MAN2B1: variants seen among roughly 807,000 people sequenced by gnomAD.
MAN2B1 encodes the protein lysosomal alpha-mannosidase.
In MAN2B1, 99 loss-of-function variants were observed where a neutral mutation model predicts 127.5. The observed-to-expected ratio is 0.78, with a 90% CI of 0.66 to 0.92. MAN2B1 has a LOEUF of 0.92. MAN2B1 is among the 40% of genes least tolerant of loss of function. The pLI, the probability that MAN2B1 is intolerant of heterozygous loss-of-function variation, is 0.00. For missense variants in MAN2B1, 1,304 were observed against 1,384.8 expected (o/e 0.94, Z 0.93); for synonymous variants, 573 against 568.8 (o/e 1.01, Z -0.11).
chr19:12,646,640 A>G lies in MAN2B1; in HGVS notation c.3016T>C (p.Trp1006Arg), dbSNP rs2023693697. ...CAGACCTAACCATCCACCTCCTTCC[A>G]TTGAACTGAGGCCAGGAAAGTGCGG... ...EIRTFLASVQ[W>R]KEVDG Residue 1006 changes from tryptophan (W) to arginine (R), a missense_variant, in exon 24 of 24, where the codon TGG (tryptophan) becomes CGG (arginine). Physicochemically the swap from Trp to Arg is moderately radical, Grantham distance 101. Coordinates refer to ENST00000456935, the MANE Select transcript of MAN2B1 (RefSeq NM_000528.4). 1.2e-6 allele frequency: 2 copies of G among 1,613,434 alleles called. No homozygotes were observed. The highest frequency in any genetic ancestry group is 1.7e-6 in the Non-Finnish European group (2 of 1,179,520).
Position 12,656,672 on chromosome 19 carries a change from A to G in MAN2B1, c.1543T>C (p.Tyr515His). Residue 515 changes from tyrosine to histidine, a missense_variant, in exon 13 of 24, where the codon TAT (tyrosine) becomes CAT (histidine). Tyr to His is a moderately conservative substitution (Grantham distance 83). Coordinates refer to ENST00000456935, the MANE Select transcript of MAN2B1 (RefSeq NM_000528.4). Reference protein sequence around the residue: ...QTAARFQVIVYNPLGRKVNWM... With the variant: ...QTAARFQVIVHNPLGRKVNWM... ...TTCACCTTCCGCCCCAGGGGATTAT[A>G]AACGATGACCTGGAACTGGGGAGGC... 4.3e-6 allele frequency: 7 copies of G among 1,613,436 alleles called. No individual in the cohort carries two copies. The highest frequency in any genetic ancestry group is 5.9e-6 in the Non-Finnish European group (7 of 1,179,422).
Position 12,647,178 on chromosome 19 carries a change from C to T in MAN2B1, c.2923+55G>A. Reference sequence around the variant, plus strand: ...TCCCATGCCTCACACATTGCCCCCACCTGCCGGCCCCAGGTAAGACTCCAC... The same window carrying T: ...TCCCATGCCTCACACATTGCCCCCATCTGCCGGCCCCAGGTAAGACTCCAC... On this transcript the variant is annotated intron_variant, in intron 23 of 23. Transcript: ENST00000456935. This position sits in a 1 kb window ranked among gnomAD's most constrained non-coding sequence, Gnocchi z 4.9. The T allele has an allele frequency of 6.6e-7, 1 of 1,508,362 alleles. No individual in the cohort carries two copies. The highest frequency in any genetic ancestry group is 9.2e-7 in the Non-Finnish European group (1 of 1,084,138). 93.4% of individuals were successfully genotyped at this position (1,508,362 alleles called of 1,614,324 possible). A position where few individuals can be genotyped will look rare whatever the true frequency, so the allele number is the denominator to read the frequency against.
rs184307900 is a variant in MAN2B1, at chr19:12,647,904, G to A, written c.2664+271C>T. 6.6e-6 allele frequency among the ~76,000 whole-genome samples: 1 copy of A among 152,130 alleles called. No homozygotes were observed. Among genetic ancestry groups the A allele is most frequent in the East Asian group, 1.9e-4 (1 of 5,160 alleles). On this transcript the variant is annotated intron_variant, in intron 21 of 23. Coordinates refer to ENST00000456935, the MANE Select transcript of MAN2B1 (RefSeq NM_000528.4). The surrounding 1 kb of genome is among the most constrained non-coding windows in gnomAD (Gnocchi z 4.9). The stretch of plus-strand genomic sequence containing the variant: ...TGAGGCAGGACAGAGCCTGGGGGCG[G>A]TGAGAGGGCGGGGCTAAAGTGAAAT...
In MAN2B1 at chr19:12,656,610, G is replaced by A. The variant is rs1421304561; in HGVS notation, c.1605C>T (p.Phe535=). 1.9e-6 allele frequency: 3 copies of A among 1,613,934 alleles called. No individual in the cohort carries two copies. The highest frequency in any genetic ancestry group is 1.7e-4 in the Middle Eastern group (1 of 6,058). The change falls in exon 13 of 24, where the codon TTC becomes TTT. Residue 535 remains phenylalanine (F), a synonymous_variant. Coordinates refer to ENST00000456935, the MANE Select transcript of MAN2B1 (RefSeq NM_000528.4). ...MVRLPVSEGV[F]VVKDPNGRTV... ...TCCTGCCATTGGGGTCCTTCACAAC[G>A]AAAACGCCTTCGCTGACCGGCAGCC...
chr19:12,648,195 C>G lies in MAN2B1; in HGVS notation c.2644G>C (p.Gly882Arg), dbSNP rs1257140060. 1.3e-6 allele frequency: 2 copies of G among 1,545,224 alleles called. No homozygotes were observed. Among genetic ancestry groups the G allele is most frequent in the South Asian group, 1.2e-5 (1 of 85,244 alleles). The change falls in exon 21 of 24, where the codon GGG (glycine) becomes CGG (arginine). Residue 882 changes from glycine to arginine, a missense_variant. Gly to Arg is a moderately radical substitution (Grantham distance 125, BLOSUM62 -2). Transcript: ENST00000456935. Reference sequence around the variant, plus strand: ...CTCACCTGCGTGCGCGGAGGAGCCCCGAGATTGTAGGCGGCGCCGCCACCC... The same window carrying G: ...CTCACCTGCGTGCGCGGAGGAGCCCGGAGATTGTAGGCGGCGCCGCCACCC... ...APGGGAAYNLGAPPRTQFSGL... is the reference protein window; with the variant it reads ...APGGGAAYNLRAPPRTQFSGL...
rs1164983513 is a variant in MAN2B1 at position 12,664,841 on chromosome 19, T to G, written c.581A>C (p.His194Pro). The change falls in exon 4 of 24, where the codon CAC becomes CCC. Residue 194 changes from histidine to proline, a missense_variant. Coordinates refer to ENST00000456935, the MANE Select transcript of MAN2B1 (RefSeq NM_000528.4). Reference protein sequence around the residue: ...GNDGRPRVAWHIDPFGHSREQ... With the variant: ...GNDGRPRVAWPIDPFGHSREQ... Reference sequence around the variant, plus strand: ...CCGAGAGTGGCCGAAGGGGTCAATGTGCCAGGCCACACGGGGTCGCCCATC... The same window carrying G: ...CCGAGAGTGGCCGAAGGGGTCAATGGGCCAGGCCACACGGGGTCGCCCATC... The G allele has an allele frequency of 6.2e-7, 1 of 1,614,008 alleles. No individual in the cohort carries two copies. Among genetic ancestry groups the G allele is most frequent in the Non-Finnish European group, 8.5e-7 (1 of 1,179,970 alleles).
intron 10 of MAN2B1, 36 bp from the exon 11 acceptor site, chr19:12,657,591 G>A (rs1449462856): frequency 1.3e-6 from 2 of 1,522,150 alleles, no homozygotes; most frequent in South Asian, 1.2e-5. Context: ...AGGTTCTGTG[G>A]GACTCAGCTG....
chr19:12,647,321 G>C lies in MAN2B1; in HGVS notation c.2835C>G (p.Thr945=). The C allele has an allele frequency of 6.2e-7, 1 of 1,614,164 alleles. No individual in the cohort carries two copies. Among genetic ancestry groups the C allele is most frequent in the Non-Finnish European group, 8.5e-7 (1 of 1,179,998 alleles). The part of the protein sequence containing the change: ...VTLNLRDLFS[T]FTITRLQETT... Reference sequence around the variant, plus strand: ...TCTCCTGCAGGCGGGTGATGGTGAAGGTGGAGAACAGGTCCTGCGGGGAAG... The same window carrying C: ...TCTCCTGCAGGCGGGTGATGGTGAACGTGGAGAACAGGTCCTGCGGGGAAG... Residue 945 remains threonine, a synonymous_variant, in exon 23 of 24, where the codon ACC becomes ACG. Transcript: ENST00000456935. The surrounding 1 kb of genome is among the most constrained non-coding windows in gnomAD (Gnocchi z 4.9).
Position 12,655,893 on chromosome 19 carries a change from G to A in MAN2B1, c.1645-14C>T, listed in dbSNP as rs369999433. 292 of 1,612,300 alleles carry A rather than the reference G, an allele frequency of 1.8e-4. No individual in the cohort carries two copies. Among genetic ancestry groups the A allele is most frequent in the Non-Finnish European group, 2.4e-4 (281 of 1,178,960 alleles). ...AAATATTACCACCTCGGATAAAGGA[G>A]GAGGGAAACTGAGTCAAGAGTACCC... On this transcript the variant is annotated splice_polypyrimidine_tract_variant and intron_variant, in intron 13 of 23. Coordinates refer to ENST00000456935, the MANE Select transcript of MAN2B1 (RefSeq NM_000528.4).
rs1481108455 is a variant in MAN2B1 at position 12,664,774 on chromosome 19, A to C, written c.630+18T>G. ...GAGTGAGTGAAGAAGTGGGCCCAAG[A>C]GAGGTCCCGGGTCGCACCTGCGCAA... On this transcript the variant is annotated intron_variant, in intron 4 of 23. Transcript: ENST00000456935. 1 of 1,608,928 alleles carries C rather than the reference A, an allele frequency of 6.2e-7. No homozygotes were observed. Among genetic ancestry groups the C allele is most frequent in the Admixed American group, 1.7e-5 (1 of 59,578 alleles).
Position 12,661,373 on chromosome 19 carries a change from G to C in MAN2B1, c.913C>G (p.Arg305Gly), listed in dbSNP as rs202100368. 6.2e-6 allele frequency: 10 copies of C among 1,603,978 alleles called. No homozygotes were observed. The highest frequency in any genetic ancestry group is 8.5e-6 in the Non-Finnish European group (10 of 1,170,866). Residue 305 changes from arginine (R) to glycine (G), a missense_variant, in exon 7 of 24, where the codon CGG becomes GGG. Arg to Gly is a moderately radical substitution (Grantham distance 125). Coordinates refer to ENST00000456935, the MANE Select transcript of MAN2B1 (RefSeq NM_000528.4). ...ACAGTGTGGTTGGTGCGGTAATACCGGCCCTGCAGGCAAGAGGGGAGTCCT... is the reference window on the plus strand; with the variant it reads ...ACAGTGTGGTTGGTGCGGTAATACCCGCCCTGCAGGCAAGAGGGGAGTCCT... ...YFLNVATAQGRYYRTNHTVMT... is the reference protein window; with the variant it reads ...YFLNVATAQGGYYRTNHTVMT...
rs778068734 is a variant in MAN2B1, at chr19:12,652,465, G to A, written c.1831-5C>T. 6.2e-7 allele frequency: 1 copy of A among 1,607,838 alleles called. No individual in the cohort carries two copies. The highest frequency in any genetic ancestry group is 1.1e-5 in the South Asian group (1 of 90,922). On this transcript the variant is annotated splice_region_variant and splice_polypyrimidine_tract_variant and intron_variant, in intron 14 of 23. Transcript: ENST00000456935. ...ATCAAACGTTGCCCGGATGTGCTGG[G>A]CAGAAAAGGGTCCACAGATGGGTTT...
Position 12,657,068 on chromosome 19 carries a change from C to T in MAN2B1, c.1420-12G>A. ...TTGCTCAGAAGAACCTGCGGAAGAG[C>T]GCAAAGGGACCGGTGGGTTCAGGAC... On this transcript the variant is annotated splice_polypyrimidine_tract_variant and intron_variant, in intron 11 of 23. Transcript: ENST00000456935. 1.9e-6 allele frequency: 3 copies of T among 1,543,274 alleles called. No homozygotes were observed. Among genetic ancestry groups the T allele is most frequent in the Non-Finnish European group, 2.7e-6 (3 of 1,123,988 alleles).
rs2023726661 is a variant in MAN2B1, at chr19:12,647,680, A to T, written c.2665-82T>A. The T allele has an allele frequency of 1.6e-6, 2 of 1,256,688 alleles. No homozygotes were observed. Among genetic ancestry groups the T allele is most frequent in the Non-Finnish European group, 2.2e-6 (2 of 904,572 alleles). 77.8% of individuals were successfully genotyped at this position (1,256,688 alleles called of 1,614,324 possible). A position where few individuals can be genotyped will look rare whatever the true frequency, so the allele number is the denominator to read the frequency against. Reference sequence around the variant, plus strand: ...GCGGGGCCGAGCCAGGTCAGGAGGCAGGGCTAGGTTGTAGGGGCGGGGTTT... The same window carrying T: ...GCGGGGCCGAGCCAGGTCAGGAGGCTGGGCTAGGTTGTAGGGGCGGGGTTT... On this transcript the variant is annotated intron_variant, in intron 21 of 23. Transcript: ENST00000456935. The surrounding 1 kb of genome is among the most constrained non-coding windows in gnomAD (Gnocchi z 4.9).
Position 12,661,266 on chromosome 19 carries a change from A to T in MAN2B1, c.1020T>A (p.Asn340Lys). Reference sequence around the variant, plus strand: ...ACAGGGTAGGCGCACTGACCTGCGCATTTACCAGCCGGATGAGCTTGTCAA... The same window carrying T: ...ACAGGGTAGGCGCACTGACCTGCGCTTTTACCAGCCGGATGAGCTTGTCAA... Reference protein sequence around the residue: ...KNLDKLIRLVNAQQAKGSSVH... With the variant: ...KNLDKLIRLVKAQQAKGSSVH... The change falls in exon 7 of 24, where the codon AAT (asparagine) becomes AAA (lysine). Residue 340 changes from asparagine to lysine, a missense_variant. Physicochemically the swap from Asn to Lys is moderately conservative, Grantham distance 94. Transcript: ENST00000456935. 1 of 1,612,770 alleles carries T rather than the reference A, an allele frequency of 6.2e-7. No individual in the cohort carries two copies. Among genetic ancestry groups the T allele is most frequent in the South Asian group, 1.1e-5 (1 of 91,060 alleles).
intron 7 of MAN2B1, among the ~76,000 whole-genome samples, chr19:12,659,943 C>T (rs1011863562): frequency 2.6e-5 from 4 of 152,024 alleles, no homozygotes; most frequent in South Asian, 2.1e-4. Flanking sequence ...GGAGATTGCA[C>T]CGTAGTGAGG....
chr19:12,650,045 C>A, intron 17 of MAN2B1, 31 bp from the exon 18 acceptor site: 1 of 1,611,768 alleles, frequency 6.2e-7, no homozygotes, highest in African/African-American at 1.3e-5. Flanking sequence ...AGGTTGTGAG[C>A]CTTGGATAAA....
At chr19:12,646,911 T>C in intron 23 of MAN2B1, 179 bp from the exon 24 acceptor site, 1 of 624,944 alleles carries the variant, frequency 1.6e-6, no homozygotes, top group East Asian at 2.7e-5. Flanking sequence ...AGGTCCAATG[T>C]CCTCATACCC....
At chr19:12,650,489 G>A (rs527315094) in intron 16 of MAN2B1, among the ~76,000 whole-genome samples, 1 of 150,728 alleles carries the variant, frequency 6.6e-6, no homozygotes, top group South Asian at 2.1e-4. Context: ...CTCCCGAGTA[G>A]CTGGGACTAC....
Sources: gnomAD v4.1 joint callset for allele counts (sites outside exome capture counted in the v4.1 genomes callset) on GRCh38, gnomAD v4.1.1 for gene constraint, Gnocchi (gnomAD v3.1) non-coding constraint, MANE v1.5 for transcripts, NCBI Gene and HGNC (gene_info 2026-07-23, HGNC 2026-07-21) for gene names.